LARS2: variants seen among roughly 807,000 people sequenced by gnomAD.
The protein encoded by LARS2 is leucyl-tRNA synthetase 2, mitochondrial.
Under a neutral mutation model 116.6 loss-of-function variants are expected in LARS2, and 81 were observed. The observed-to-expected ratio is 0.69, with a 90% CI of 0.58 to 0.84. The LOEUF is 0.84. Ranked by LOEUF, LARS2 falls within the 40% of genes least tolerant of loss-of-function variation. The pLI, the probability that LARS2 is intolerant of heterozygous loss-of-function variation, is 0.00. For synonymous variants in LARS2, 396 were observed against 407.2 expected (o/e 0.97, Z 0.33); for missense variants, 968 against 1,114.5 (o/e 0.87, Z 1.87).
intron 7 of LARS2, among the ~76,000 whole-genome samples, chr3:45,456,772 A>G (rs1195561824): frequency 6.6e-6 from 1 of 152,206 alleles, no homozygotes; most frequent in African/African-American, 2.4e-5. Flanking sequence ...AGGGAAACAA[A>G]TGCATGTCTT....
intron 11 of LARS2, among the ~76,000 whole-genome samples, chr3:45,486,479 G>A (rs961000366): frequency 1.3e-5 from 2 of 152,186 alleles, no homozygotes; most frequent in African/African-American, 4.8e-5. Flanking sequence ...GGACAGACCT[G>A]TGCATTTTTC....
intron 7 of LARS2, among the ~76,000 whole-genome samples, chr3:45,453,017 T>C (rs1699158689): frequency 6.6e-6 from 1 of 152,162 alleles, no homozygotes; most frequent in Non-Finnish European, 1.5e-5. Context: ...TTTTAATGTT[T>C]CTTTTTCTGT....
chr3:45,500,560 CA>C lies in LARS2; in HGVS notation c.1747del (p.Met583TrpfsTer51). The C allele has an allele frequency of 2.6e-6, 4 of 1,562,350 alleles. No homozygotes were observed. Among genetic ancestry groups the C allele is most frequent in the Non-Finnish European group, 3.4e-6 (4 of 1,162,282 alleles). ...ARFFSHFCHD[Q>X]KMVKHREPFH... ...ATTCTTTAGTCATTTTTGCCATGATCAAAAAATGGTTAAACATAGGTAAGCA... is the reference window on the plus strand; with the variant it reads ...ATTCTTTAGTCATTTTTGCCATGATCAAAAATGGTTAAACATAGGTAAGCA... On this transcript the variant is annotated frameshift_variant, in exon 15 of 22. Transcript: ENST00000645846. LOFTEE classifies it high-confidence loss of function.
intron 15 of LARS2, among the ~76,000 whole-genome samples, chr3:45,505,747 G>A (rs968219061): frequency 6.6e-6 from 1 of 152,054 alleles, no homozygotes; most frequent in Admixed American, 6.6e-5. Flanking sequence ...AAGACCATAT[G>A]TAAGTGATTT....
chr3:45,466,719 TTTA>T (rs1206542900), intron 8 of LARS2, among the ~76,000 whole-genome samples: 2 of 151,900 alleles, frequency 1.3e-5, no homozygotes, highest in Admixed American at 6.6e-5. Context: ...TGCCTTCTTT[TTTA>T]TTATTATTAT....
intron 15 of LARS2, chr3:45,509,485 A>C (rs1700250589): frequency 6.6e-6 from 1 of 152,002 alleles, no homozygotes; most frequent in African/African-American, 2.4e-5. Context: ...TGCGCCTCCA[A>C]ATCACATTTG....
At chr3:45,437,598 G>A (rs76463770) in intron 6 of LARS2, among the ~76,000 whole-genome samples, 5,889 of 152,308 alleles carry the variant, frequency 0.039, 141 homozygotes, top group Middle Eastern at 0.095. Context: ...AGGAAGACGT[G>A]GCTATGTGGT....
intron 12 of LARS2, among the ~76,000 whole-genome samples, chr3:45,490,766 G>C (rs542588663): frequency 6.6e-6 from 1 of 152,294 alleles, no homozygotes; most frequent in African/African-American, 2.4e-5. Context: ...GAACAAATGC[G>C]AGGGTACCCG....
At chr3:45,512,652 A>G (rs796751599) in intron 15 of LARS2, among the ~76,000 whole-genome samples, 31 of 152,354 alleles carry the variant, frequency 2.0e-4, no homozygotes, top group African/African-American at 7.5e-4. Flanking sequence ...ACTTATATAA[A>G]TCCCCAAAAA....
chr3:45,524,868 A>G (rs1209468464), intron 20 of LARS2, among the ~76,000 whole-genome samples: 1 of 152,238 alleles, frequency 6.6e-6, no homozygotes, highest in Non-Finnish European at 1.5e-5. Flanking sequence ...TGAGCAAACC[A>G]CGAGTCTCAG....
intron 8 of LARS2, among the ~76,000 whole-genome samples, chr3:45,466,231 C>T (rs151234578): frequency 4.8e-4 from 73 of 152,234 alleles, no homozygotes; most frequent in Non-Finnish European, 8.2e-4. Context: ...GAGGTGTCAG[C>T]CTGGACTCCA....
intron 20 of LARS2, among the ~76,000 whole-genome samples, chr3:45,533,556 A>G (rs1388972396): frequency 2.0e-5 from 3 of 152,066 alleles, no homozygotes; most frequent in African/African-American, 7.3e-5. Flanking sequence ...CAGAATATAT[A>G]TTTCGCCCGT....
intron 20 of LARS2, among the ~76,000 whole-genome samples, chr3:45,537,228 C>T (rs1700720407): frequency 6.6e-6 from 1 of 152,316 alleles, no homozygotes; most frequent in Admixed American, 6.5e-5. Flanking sequence ...AGTAATCCAT[C>T]AGCACCTTAA....
intron 8 of LARS2, among the ~76,000 whole-genome samples, chr3:45,465,269 C>T (rs547920874): frequency 6.6e-6 from 1 of 152,348 alleles, no homozygotes; most frequent in East Asian, 1.9e-4. Context: ...TTTTCCCTGC[C>T]TCTCCAGCGT....
At chr3:45,526,857 C>G (rs1424898501) in intron 20 of LARS2, among the ~76,000 whole-genome samples, 1 of 152,160 alleles carries the variant, frequency 6.6e-6, no homozygotes, top group Non-Finnish European at 1.5e-5. Flanking sequence ...CAATAGAATT[C>G]TGATCAAAAA....
chr3:45,430,317 C>T (rs756442523), intron 6 of LARS2, among the ~76,000 whole-genome samples: 5 of 143,254 alleles, frequency 3.5e-5, no homozygotes, highest in Admixed American at 7.2e-5. Context: ...CTGGCTCTGT[C>T]GCCCAGGCTG....
intron 7 of LARS2, among the ~76,000 whole-genome samples, chr3:45,449,187 A>C: frequency 7.3e-6 from 1 of 137,852 alleles, no homozygotes; most frequent in Admixed American, 7.6e-5. Flanking sequence ...TTTGAGACAG[A>C]GTCTTGCTCT....
At chr3:45,460,842 T>A (rs578014421) in intron 8 of LARS2, among the ~76,000 whole-genome samples, 1 of 152,238 alleles carries the variant, frequency 6.6e-6, no homozygotes, top group South Asian at 2.1e-4. Context: ...CTAAGACTAA[T>A]GACAAAATCA....
intron 6 of LARS2, among the ~76,000 whole-genome samples, chr3:45,426,171 A>T (rs1698592268): frequency 6.6e-6 from 1 of 152,254 alleles, no homozygotes; most frequent in African/African-American, 2.4e-5. Flanking sequence ...CGGACCTCTG[A>T]TAGGAGGCTT....
Sources: gnomAD v4.1 joint callset for allele counts (sites outside exome capture counted in the v4.1 genomes callset) on GRCh38, gnomAD v4.1.1 for gene constraint, MANE v1.5 for transcripts, NCBI Gene and HGNC (gene_info 2026-07-23, HGNC 2026-07-21) for gene names.